METTL8: variants seen among roughly 807,000 people sequenced by gnomAD.
The protein encoded by METTL8 is methyltransferase 8, tRNA N3-cytidine, also known as tRNA N(3)-cytidine methyltransferase METTL8, mitochondrial.
Under a neutral mutation model 48.7 loss-of-function variants are expected in METTL8, and 32 were observed. The observed-to-expected ratio is 0.66, with a 90% CI of 0.50 to 0.88. METTL8 has a LOEUF of 0.88. Among genes scored for constraint, METTL8 ranks in the 40% least tolerant of loss-of-function variants. METTL8 has a pLI of 0.00. For missense variants in METTL8, 464 were observed against 474.4 expected (o/e 0.98, Z 0.20); for synonymous variants, 136 against 157.1 (o/e 0.87, Z 1.01).
intron 3 of METTL8, among the ~76,000 whole-genome samples, chr2:171,346,075 C>G (rs1017612459): frequency 1.1e-4 from 16 of 152,162 alleles, no homozygotes; most frequent in African/African-American, 3.4e-4. Flanking sequence ...TGTGCCCAGC[C>G]TGGAGTGCAG....
At position 171,356,952 on chromosome 2, in the gene METTL8, A is replaced by ATGTTTTTTTTTTTGTTT; in HGVS notation, c.235+3469_235+3470insAAACAAAAAAAAAAACA. On this transcript the variant is annotated intron_variant, in intron 3 of 9. Transcript: ENST00000375258. ...CAAATTAGCCTTGTTCAAAGACAAT[A>ATGTTTTTTTTTTTGTTT]TTTTTTTTTTTTTTTTTGAGACAGG... 8.9e-5 allele frequency among the ~76,000 whole-genome samples: 7 copies of ATGTTTTTTTTTTTGTTT among 78,468 alleles called. 1 individual carries two copies. The highest frequency in any genetic ancestry group is 1.0e-3 in the South Asian group (2 of 1,922). 51.5% of individuals were successfully genotyped at this position (78,468 alleles called of 152,430 possible).
At chr2:171,342,569 C>T (rs1686882409) in intron 3 of METTL8, among the ~76,000 whole-genome samples, 1 of 151,498 alleles carries the variant, frequency 6.6e-6, no homozygotes, top group South Asian at 2.1e-4. Flanking sequence ...ATAAAAGAGT[C>T]AAATTTCTCC....
rs149249791 is a variant in METTL8 at position 171,367,919 on chromosome 2, G to A, written c.144-7406C>T. Among the ~76,000 whole-genome samples, 215 of 152,184 alleles carry A rather than the reference G, an allele frequency of 1.4e-3. 4 individuals carry two copies. The East Asian group carries it at 0.015, about 11-fold the overall frequency. The stretch of plus-strand genomic sequence containing the variant: ...ACCCTTTGAGGTGGACCACTAAATC[G>A]AAACTATTCTCATAACAATACTGTG... On this transcript the variant is annotated intron_variant, in intron 2 of 9. Transcript: ENST00000375258.
At chr2:171,377,579 T>C (rs1400107942) in intron 2 of METTL8, among the ~76,000 whole-genome samples, 1 of 152,074 alleles carries the variant, frequency 6.6e-6, no homozygotes, top group Admixed American at 6.5e-5. Flanking sequence ...GCAAAGGACA[T>C]GAATAGGCAA....
intron 2 of METTL8, among the ~76,000 whole-genome samples, chr2:171,382,141 T>C (rs965420670): frequency 5.3e-5 from 8 of 152,152 alleles, no homozygotes; most frequent in Admixed American, 1.3e-4. Context: ...TGGAAAACAG[T>C]GTGGCAATTC....
At chr2:171,366,452 T>C (rs55862836) in intron 2 of METTL8, among the ~76,000 whole-genome samples, 45,019 of 152,056 alleles carry the variant, frequency 0.3, 7,665 homozygotes, top group East Asian at 0.65. Context: ...TAATCCAGAC[T>C]GCATAGAAGA....
chr2:171,359,594 C>T (rs1684951266), intron 3 of METTL8, among the ~76,000 whole-genome samples: 1 of 152,006 alleles, frequency 6.6e-6, no homozygotes, highest in Non-Finnish European at 1.5e-5. Context: ...TTCATAGTAG[C>T]CATAACATGG....
intron 2 of METTL8, among the ~76,000 whole-genome samples, chr2:171,365,304 A>G (rs1437853381): frequency 4.6e-5 from 7 of 152,210 alleles, no homozygotes; most frequent in Non-Finnish European, 8.8e-5. Flanking sequence ...CTTAAGTAGT[A>G]TAGAGACTAC....
At chr2:171,402,839 A>C (rs1235962089) in intron 1 of METTL8, among the ~76,000 whole-genome samples, 1 of 152,044 alleles carries the variant, frequency 6.6e-6, no homozygotes, top group Non-Finnish European at 1.5e-5. Flanking sequence ...ACACACATAC[A>C]CCCGAAAAAC....
At chr2:171,341,292 C>T (rs568429093) in intron 3 of METTL8, among the ~76,000 whole-genome samples, 1 of 150,360 alleles carries the variant, frequency 6.7e-6, no homozygotes, top group South Asian at 2.1e-4. Flanking sequence ...CACGCCATTG[C>T]ACTCCAGCCT....
chr2:171,400,723 G>A (rs753636115), intron 1 of METTL8, among the ~76,000 whole-genome samples: 2 of 152,138 alleles, frequency 1.3e-5, no homozygotes, highest in Non-Finnish European at 2.9e-5. Context: ...GAGCTGAGTA[G>A]TAGAGGCAAA....
chr2:171,432,224 G>A (rs1160540703), intron 1 of METTL8, among the ~76,000 whole-genome samples: 2 of 145,350 alleles, frequency 1.4e-5, no homozygotes, highest in African/African-American at 2.5e-5. Context: ...GCAAAGCAAC[G>A]TCAAAAAAAA....
At chr2:171,368,674 T>C (rs1037205411) in intron 2 of METTL8, among the ~76,000 whole-genome samples, 3 of 152,194 alleles carry the variant, frequency 2.0e-5, no homozygotes, top group African/African-American at 7.2e-5. Flanking sequence ...TATCCATGCA[T>C]GATGTTATAA....
chr2:171,334,850 T>C (rs1685918296), intron 5 of METTL8, among the ~76,000 whole-genome samples: 1 of 152,156 alleles, frequency 6.6e-6, no homozygotes, highest in Non-Finnish European at 1.5e-5. Context: ...TCAGGCAATA[T>C]GTATTGAGCT....
At chr2:171,360,364 G>T in intron 3 of METTL8, 58 bp downstream of exon 3, 1 of 1,422,616 alleles carries the variant, frequency 7.0e-7, no homozygotes, top group Non-Finnish European at 9.8e-7. Context: ...AATGACACGA[G>T]GAGGAGGAAA....
chr2:171,356,397 C>T (rs182247397), intron 3 of METTL8, among the ~76,000 whole-genome samples: 5 of 152,266 alleles, frequency 3.3e-5, no homozygotes, highest in African/African-American at 1.2e-4. Flanking sequence ...CCTTGGGCTC[C>T]CAAAGTGCTG....
In METTL8 at chr2:171,317,753, T is replaced by C. The variant is rs2111459; in HGVS notation, c.*6419A>G. On this transcript the variant is annotated 3_prime_UTR_variant, in exon 10 of 10. Transcript: ENST00000375258. ...AGTAGCAGTGCCTTGTAGCTTGCCTTTGCCGAGCTCCAGGGGCAGCTGAGG... is the reference window on the plus strand; with the variant it reads ...AGTAGCAGTGCCTTGTAGCTTGCCTCTGCCGAGCTCCAGGGGCAGCTGAGG... 0.78 allele frequency: 118,923 copies of C among 152,228 alleles called. 46,637 individuals are homozygous for C. The highest frequency in any genetic ancestry group is 1 in the East Asian group (5,180 of 5,188). The allele number at this position is 152,228 out of a possible 1,614,324, so 9.4% of individuals were successfully genotyped here.
intron 3 of METTL8, among the ~76,000 whole-genome samples, chr2:171,353,278 T>C (rs1300501556): frequency 1.3e-5 from 2 of 152,150 alleles, no homozygotes; most frequent in African/African-American, 2.4e-5. Flanking sequence ...GTTGGGTGGT[T>C]TGGGTGAGTT....
At chr2:171,345,411 G>A (rs192974359) in intron 3 of METTL8, among the ~76,000 whole-genome samples, 97 of 152,124 alleles carry the variant, frequency 6.4e-4, no homozygotes, top group African/African-American at 2.2e-4. Context: ...CATCAATTAC[G>A]CAAATACCTG....
Sources: gnomAD v4.1 joint callset for allele counts (sites outside exome capture counted in the v4.1 genomes callset) on GRCh38, gnomAD v4.1.1 for gene constraint, MANE v1.5 for transcripts, NCBI Gene and HGNC (gene_info 2026-07-23, HGNC 2026-07-21) for gene names.